Variants in DAB1 observed in about 807,000 individuals in gnomAD.
The protein encoded by DAB1 is DAB adaptor protein 1, also known as disabled homolog 1.
A neutral mutation model predicts 64.6 loss-of-function variants in DAB1; 15 were observed. That is an observed-to-expected ratio of 0.23 (90% CI 0.16 to 0.36). DAB1 has a LOEUF of 0.36. Among genes scored for constraint, DAB1 ranks in the 10% least tolerant of loss-of-function variants. The pLI is 1.00. For synonymous variants in DAB1, 235 were observed against 251.9 expected, an observed-to-expected ratio of 0.93 and a Z score of 0.64; for missense variants, 596 against 706.7, an observed-to-expected ratio of 0.84 and a Z score of 1.78.
chr1:58,259,967 C>A (rs1311577274), intron 4 of DAB1, among the ~76,000 whole-genome samples: 4 of 152,202 alleles, frequency 2.6e-5, no homozygotes, highest in Non-Finnish European at 5.9e-5. Context: ...CCCTATGAGG[C>A]TAAGACTATT....
At chr1:58,243,437 A>G (rs1396081855) in intron 4 of DAB1, among the ~76,000 whole-genome samples, 1 of 152,090 alleles carries the variant, frequency 6.6e-6, no homozygotes, top group African/African-American at 2.4e-5. Context: ...GATGGGAATC[A>G]TGTGTGCTTT....
intron 2 of DAB1, among the ~76,000 whole-genome samples, chr1:57,157,871 C>CT (rs1660385359): frequency 6.6e-6 from 1 of 152,218 alleles, no homozygotes; most frequent in Admixed American, 6.5e-5. Context: ...TTTATTTAAA[C>CT]TTCACAACAA....
At position 57,026,012 on chromosome 1, in the gene DAB1, A is replaced by C; in HGVS notation, c.755T>G (p.Met252Arg). The C allele has an allele frequency of 6.3e-7, 1 of 1,594,508 alleles. No individual in the cohort carries two copies. The highest frequency in any genetic ancestry group is 8.5e-7 in the Non-Finnish European group (1 of 1,172,182). Residue 252 changes from methionine (M) to arginine (R), a missense_variant, in exon 10 of 15, where the codon ATG (methionine) becomes AGG (arginine). This residue lies in a region of DAB1 where 377 missense variants were observed against 400.4 expected (regional missense o/e 0.94). Transcript: ENST00000371236. ...AGAGGTTATATCAGGGGGTGTGGACATGTCCCCAAAAAGTTCTAATTGGGT... is the reference window on the plus strand; with the variant it reads ...AGAGGTTATATCAGGGGGTGTGGACCTGTCCCCAAAAAGTTCTAATTGGGT... ...AVTQLELFGD[M>R]STPPDITSPP...
intron 7 of DAB1, among the ~76,000 whole-genome samples, chr1:57,552,503 T>C (rs1357631060): frequency 6.6e-6 from 1 of 152,218 alleles, no homozygotes; most frequent in Non-Finnish European, 1.5e-5. Flanking sequence ...AGTCTGGGTA[T>C]AGTTCCTGGA....
intron 1 of DAB1, among the ~76,000 whole-genome samples, chr1:57,841,097 G>T (rs1486265864): frequency 6.6e-6 from 1 of 152,168 alleles, no homozygotes; most frequent in Non-Finnish European, 1.5e-5. Flanking sequence ...GGAGAAACTG[G>T]CCAAAACAAA....
chr1:57,491,473 C>T (rs553341375), intron 7 of DAB1, among the ~76,000 whole-genome samples: 74 of 152,004 alleles, frequency 4.9e-4, no homozygotes, highest in Admixed American at 3.9e-4. Context: ...AAAAGGATAA[C>T]AATATATTTT....
intron 1 of DAB1, among the ~76,000 whole-genome samples, chr1:58,540,363 C>A (rs1646587441): frequency 6.6e-6 from 1 of 150,812 alleles, no homozygotes; most frequent in African/African-American, 2.4e-5. Context: ...TAAAAATCAC[C>A]AAGCATGCAA....
At chr1:57,343,152 T>C (rs7547509) in intron 1 of DAB1, among the ~76,000 whole-genome samples, 81,538 of 151,606 alleles carry the variant, frequency 0.54, 22,685 homozygotes, top group Non-Finnish European at 0.58. Context: ...ACGTCCCCAC[T>C]AGATTAGCTA....
intron 7 of DAB1, among the ~76,000 whole-genome samples, chr1:57,603,159 A>AG (rs1416744375): frequency 2.0e-5 from 3 of 151,928 alleles, no homozygotes; most frequent in African/African-American, 7.3e-5. Context: ...TTTAGTAGAG[A>AG]GGGGGGTTTC....
intron 7 of DAB1, among the ~76,000 whole-genome samples, chr1:57,648,530 G>A (rs1336535472): frequency 6.6e-6 from 1 of 152,124 alleles, no homozygotes; most frequent in Non-Finnish European, 1.5e-5. Context: ...GTCCCTCAGA[G>A]TAATTAATTT....
intron 5 of DAB1, among the ~76,000 whole-genome samples, chr1:57,961,899 G>A (rs1427322735): frequency 6.6e-6 from 1 of 151,894 alleles, no homozygotes; most frequent in Non-Finnish European, 1.5e-5. Flanking sequence ...TTGAACCTGG[G>A]AGGCGGAGGT....
chr1:57,271,511 G>T (rs1041609319), intron 2 of DAB1, among the ~76,000 whole-genome samples: 1 of 152,176 alleles, frequency 6.6e-6, no homozygotes, highest in Non-Finnish European at 1.5e-5. Flanking sequence ...TTTGCGACAG[G>T]CATCGGGTTC....
intron 1 of DAB1, among the ~76,000 whole-genome samples, chr1:57,856,628 G>T (rs978074414): frequency 4.6e-5 from 7 of 151,970 alleles, no homozygotes; most frequent in African/African-American, 1.7e-4. Flanking sequence ...GCTGGGGATG[G>T]TGGTGCGCAC....
chr1:58,237,178 T>C (rs199944914), intron 4 of DAB1, among the ~76,000 whole-genome samples: 3 of 151,572 alleles, frequency 2.0e-5, no homozygotes, highest in South Asian at 4.2e-4. Context: ...ATCAGTAGAG[T>C]TCCTTGCACA....
At chr1:58,082,957 A>T (rs1650089784) in intron 5 of DAB1, among the ~76,000 whole-genome samples, 1 of 152,202 alleles carries the variant, frequency 6.6e-6, no homozygotes, top group Admixed American at 6.5e-5. Flanking sequence ...GGCAAAATCC[A>T]GTCAAGTGGC....
At chr1:58,323,669 C>T (rs60619418) in intron 4 of DAB1, among the ~76,000 whole-genome samples, 9,379 of 152,100 alleles carry the variant, frequency 0.062, 704 homozygotes, top group East Asian at 0.24. Context: ...TAAGACTTAG[C>T]CGCACTTTGG....
chr1:57,563,824 A>C (rs1645082925), intron 7 of DAB1, among the ~76,000 whole-genome samples: 1 of 152,212 alleles, frequency 6.6e-6, no homozygotes, highest in Non-Finnish European at 1.5e-5. Context: ...ACCGCAGCTC[A>C]AGATGGCCTG....
chr1:57,762,426 G>A (rs559000358), intron 6 of DAB1, among the ~76,000 whole-genome samples: 10 of 152,090 alleles, frequency 6.6e-5, no homozygotes, highest in East Asian at 3.9e-4. Context: ...TACATGGGGC[G>A]GAAAAATGTC....
At chr1:58,420,082 T>C (rs719923) in intron 3 of DAB1, among the ~76,000 whole-genome samples, 23,115 of 152,286 alleles carry the variant, frequency 0.15, 2,260 homozygotes, top group Middle Eastern at 0.22. Flanking sequence ...AGGACCCTAA[T>C]TGACACTCTG....
Sources: gnomAD v4.1 joint callset for allele counts (sites outside exome capture counted in the v4.1 genomes callset) on GRCh38, gnomAD v4.1.1 for gene constraint, gnomAD v4.1.1 regional missense constraint, MANE v1.5 for transcripts, NCBI Gene and HGNC (gene_info 2026-07-23, HGNC 2026-07-21) for gene names.